COL22A1: variants seen among roughly 807,000 people sequenced by gnomAD.
The protein encoded by COL22A1 is collagen type XXII alpha 1 chain.
Under a neutral mutation model 248.9 loss-of-function variants are expected in COL22A1, and 221 were observed. That is an observed-to-expected ratio of 0.89 (90% CI 0.80 to 0.99). The LOEUF (loss-of-function observed/expected upper bound fraction) is 0.99, where lower values mean the gene tolerates loss of function less well. Among genes scored for constraint, COL22A1 ranks in the 50% least tolerant of loss-of-function variants. The pLI, the probability that COL22A1 is intolerant of heterozygous loss-of-function variation, is 0.00. For synonymous variants in COL22A1, 891 were observed against 793.4 expected, an observed-to-expected ratio of 1.12 and a Z score of -2.07; for missense variants, 2,240 against 2,179.0, an observed-to-expected ratio of 1.03 and a Z score of -0.56.
intron 32 of COL22A1, among the ~76,000 whole-genome samples, chr8:138,698,120 C>T (rs1270705350): frequency 6.6e-6 from 1 of 152,128 alleles, no homozygotes; most frequent in Non-Finnish European, 1.5e-5. Flanking sequence ...GTCTCAACCC[C>T]GAGGGGCTCA....
intron 46 of COL22A1, among the ~76,000 whole-genome samples, chr8:138,646,995 C>G (rs1822259391): frequency 6.6e-6 from 1 of 152,194 alleles, no homozygotes; most frequent in Non-Finnish European, 1.5e-5. Flanking sequence ...CAGGTTTGGT[C>G]TCTATGGCCC....
chr8:138,738,002 TC>T (rs556081299), intron 22 of COL22A1, among the ~76,000 whole-genome samples: 329 of 151,868 alleles, frequency 2.2e-3, no homozygotes, highest in Non-Finnish European at 3.9e-3. Context: ...ACACACACAC[TC>T]CCCCGTCCCC....
intron 30 of COL22A1, among the ~76,000 whole-genome samples, chr8:138,710,552 T>C (rs1828863710): frequency 6.6e-6 from 1 of 152,010 alleles, no homozygotes; most frequent in Non-Finnish European, 1.5e-5. Flanking sequence ...GTAGTTTCCA[T>C]GTGTGAATCC....
intron 8 of COL22A1, 91 bp from the exon 9 acceptor site, chr8:138,812,012 C>T: frequency 7.1e-7 from 1 of 1,404,372 alleles, no homozygotes; most frequent in Admixed American, 2.7e-5. Context: ...TCCTCAGAAC[C>T]AGGCAGCCAA....
In COL22A1 at chr8:138,678,052, T is replaced by C. The variant is rs557932542; in HGVS notation, c.3073-1417A>G. Among the ~76,000 whole-genome samples the C allele has an allele frequency of 4.6e-5, 7 of 152,358 alleles. No homozygotes were observed. The East Asian group carries it at 1.3e-3, about 29-fold the overall frequency. On this transcript the variant is annotated intron_variant, in intron 40 of 64. Transcript: ENST00000303045. ...TGTGCATTACAAAATATCTCATTCA[T>C]GGCTCTAAGATGACTTGCCTTTCCT...
chr8:138,800,642 G>A (rs750602259), intron 11 of COL22A1, among the ~76,000 whole-genome samples: 14 of 152,178 alleles, frequency 9.2e-5, no homozygotes, highest in Non-Finnish European at 1.3e-4. Context: ...CCTCAATAGA[G>A]CTGCTGATGA....
chr8:138,634,203 A>T (rs184569134), intron 49 of COL22A1, among the ~76,000 whole-genome samples: 1 of 152,326 alleles, frequency 6.6e-6, no homozygotes, highest in Admixed American at 6.5e-5. Context: ...GCTTAATTTC[A>T]TATATTTTAA....
intron 11 of COL22A1, among the ~76,000 whole-genome samples, chr8:138,797,813 C>A (rs1816679688): frequency 6.6e-6 from 1 of 152,018 alleles, no homozygotes; most frequent in Non-Finnish European, 1.5e-5. Context: ...CCTTTAAATT[C>A]TGTCAGTTTT....
rs1818256268 is a variant in COL22A1, at chr8:138,811,828, T to C, written c.1420A>G (p.Ile474Val). ...TCTCCAGCTGGGCAGGAGCAGTTGA[T>C]GGTCTTCAAAAACCCAATCTGTTCA... is the stretch of plus-strand genomic sequence containing the variant. ...GSEQIGFLKT[I>V]NCSCPAGEKG... Residue 474 changes from isoleucine to valine, a missense_variant, in exon 9 of 65, where the codon ATC (isoleucine) becomes GTC (valine). By Grantham distance (29) the Ile-to-Val change is conservative (BLOSUM62 3). Transcript: ENST00000303045. 3 of 1,509,608 alleles carry C rather than the reference T, an allele frequency of 2.0e-6. No homozygotes were observed. Among genetic ancestry groups the C allele is most frequent in the Non-Finnish European group, 2.7e-6 (3 of 1,120,484 alleles). 93.5% of individuals were successfully genotyped at this position (1,509,608 alleles called of 1,614,324 possible).
chr8:138,854,828 G>A (rs1821896620), intron 3 of COL22A1, among the ~76,000 whole-genome samples: 1 of 150,588 alleles, frequency 6.6e-6, no homozygotes, highest in Non-Finnish European at 1.5e-5. Flanking sequence ...TGATGATGGT[G>A]ACGATGATGG....
Position 138,798,173 on chromosome 8 carries a change from A to C in COL22A1, c.1558-1316T>G, listed in dbSNP as rs941847323. Among the ~76,000 whole-genome samples, 7 of 151,734 alleles carry C rather than the reference A, an allele frequency of 4.6e-5. No individual in the cohort carries two copies. The South Asian group carries it at 8.3e-4, about 18-fold the overall frequency. On this transcript the variant is annotated intron_variant, in intron 11 of 64. Coordinates refer to ENST00000303045, the MANE Select transcript of COL22A1 (RefSeq NM_152888.3). ...AAATAGGTTGTATCTTTGAATCTAA[A>C]GTATGTCTTCTATAGACAGGATATA...
At chr8:138,692,166 AGGT>A (rs1827060951) in intron 35 of COL22A1, among the ~76,000 whole-genome samples, 2 of 102,518 alleles carry the variant, frequency 2.0e-5, no homozygotes, top group Non-Finnish European at 1.9e-5. Flanking sequence ...GTATGTGTGG[AGGT>A]GTGTGTGTAT....
At chr8:138,803,497 T>C (rs1285565356) in intron 10 of COL22A1, among the ~76,000 whole-genome samples, 1 of 151,996 alleles carries the variant, frequency 6.6e-6, no homozygotes, top group Non-Finnish European at 1.5e-5. Flanking sequence ...AATGTGCACA[T>C]GTACCCTAAA....
chr8:138,779,484 G>T, intron 14 of COL22A1, 25 bp downstream of exon 14: 1 of 1,587,646 alleles, frequency 6.3e-7, no homozygotes, highest in Non-Finnish European at 8.6e-7. Context: ...AGCATCAGAA[G>T]GGCCCAGCTC....
At chr8:138,870,544 T>C (rs1823253957) in intron 3 of COL22A1, among the ~76,000 whole-genome samples, 1 of 151,592 alleles carries the variant, frequency 6.6e-6, no homozygotes, top group African/African-American at 2.4e-5. Flanking sequence ...AGATATAGAC[T>C]GTGTGTATGT....
intron 3 of COL22A1, among the ~76,000 whole-genome samples, chr8:138,845,738 T>G (rs984865953): frequency 2.0e-5 from 3 of 152,072 alleles, no homozygotes; most frequent in Admixed American, 6.5e-5. Context: ...TATGCACACA[T>G]TTGTCACAGG....
chr8:138,776,845 T>A (rs948909498), intron 15 of COL22A1, among the ~76,000 whole-genome samples: 1 of 152,160 alleles, frequency 6.6e-6, no homozygotes, highest in African/African-American at 2.4e-5. Flanking sequence ...ACCCAGTGAG[T>A]GACTGTGTCG....
At chr8:138,828,150 G>A (rs1819747280) in intron 5 of COL22A1, 1 of 140,758 alleles carries the variant, frequency 7.1e-6, no homozygotes, top group Admixed American at 7.3e-5. Context: ...CTTCATAAAA[G>A]TTGAAGGAAT....
chr8:138,672,950 A>C (rs1187051652), intron 41 of COL22A1, among the ~76,000 whole-genome samples: 1 of 152,222 alleles, frequency 6.6e-6, no homozygotes, highest in Admixed American at 6.5e-5. Context: ...TTTTGTAAGC[A>C]ACTTAAACAT....
Sources: gnomAD v4.1 joint callset for allele counts (sites outside exome capture counted in the v4.1 genomes callset) on GRCh38, gnomAD v4.1.1 for gene constraint, MANE v1.5 for transcripts, NCBI Gene and HGNC (gene_info 2026-07-23, HGNC 2026-07-21) for gene names.